PPP2R2B: variants seen among roughly 807,000 people sequenced by gnomAD.
The protein encoded by PPP2R2B is protein phosphatase 2 regulatory subunit Bbeta.
PPP2R2B carries 5 observed loss-of-function variants against 46.0 expected under a neutral mutation model. The observed-to-expected ratio is 0.11, with a 90% CI of 0.06 to 0.23. The LOEUF (loss-of-function observed/expected upper bound fraction) is 0.23. PPP2R2B is among the 10% of genes least tolerant of loss of function. PPP2R2B has a pLI of 1.00. For synonymous variants in PPP2R2B, 215 were observed against 206.7 expected (o/e 1.04, Z -0.34); for missense variants, 367 against 575.0 (o/e 0.64, Z 3.70).
chr5:147,002,228 A>T (rs1425930123), intron 1 of PPP2R2B, among the ~76,000 whole-genome samples: 1 of 152,194 alleles, frequency 6.6e-6, no homozygotes, highest in African/African-American at 2.4e-5. Context: ...TCAGAAAGAC[A>T]TAATTTTTGC....
At chr5:146,747,547 T>A (rs1053189401) in intron 2 of PPP2R2B, among the ~76,000 whole-genome samples, 3 of 152,212 alleles carry the variant, frequency 2.0e-5, no homozygotes, top group African/African-American at 7.2e-5. Flanking sequence ...ACATAGTATA[T>A]TCCCCTTAAT....
chr5:146,812,828 TACACA>T (rs1757706159), intron 2 of PPP2R2B, among the ~76,000 whole-genome samples: 16 of 79,656 alleles, frequency 2.0e-4, no homozygotes, highest in African/African-American at 6.2e-4. Flanking sequence ...TATATATATA[TACACA>T]CACATTTCCA....
intron 2 of PPP2R2B, among the ~76,000 whole-genome samples, chr5:146,704,910 T>C (rs1283731588): frequency 6.6e-6 from 1 of 152,200 alleles, no homozygotes; most frequent in Middle Eastern, 3.2e-3. Context: ...TCTCTTGCAG[T>C]ATCATGCTAG....
intron 2 of PPP2R2B, among the ~76,000 whole-genome samples, chr5:146,826,769 C>G (rs551929325): frequency 6.6e-6 from 1 of 152,188 alleles, no homozygotes; most frequent in Admixed American, 6.5e-5. Context: ...TGATATTCCC[C>G]TCCCTCCAAG....
intron 1 of PPP2R2B, among the ~76,000 whole-genome samples, chr5:146,921,831 A>G (rs1391412881): frequency 3.9e-5 from 6 of 152,214 alleles, no homozygotes; most frequent in African/African-American, 1.4e-4. Flanking sequence ...CAAGTATAAC[A>G]ACAAGTACTA....
intron 2 of PPP2R2B, among the ~76,000 whole-genome samples, chr5:146,854,559 CTCTTT>C (rs1394825381): frequency 2.5e-4 from 38 of 152,220 alleles, no homozygotes; most frequent in African/African-American, 8.9e-4. Context: ...ATTGACCAAC[CTCTTT>C]TCATCAAGGC....
intron 1 of PPP2R2B, among the ~76,000 whole-genome samples, chr5:146,931,689 G>A (rs975970233): frequency 6.6e-6 from 1 of 152,274 alleles, no homozygotes; most frequent in Non-Finnish European, 1.5e-5. Flanking sequence ...GATAAGTTGG[G>A]TGGGTGGTAG....
intron 4 of PPP2R2B, 70 bp from the exon 5 acceptor site, chr5:146,691,310 G>A (rs941278525): frequency 5.5e-6 from 7 of 1,267,756 alleles, no homozygotes; most frequent in South Asian, 4.9e-5. Flanking sequence ...TTTCCTGGGG[G>A]CAATGGGGAG....
At chr5:146,837,254 G>A (rs160969) in intron 2 of PPP2R2B, among the ~76,000 whole-genome samples, 19,080 of 152,244 alleles carry the variant, frequency 0.13, 1,367 homozygotes, top group African/African-American at 0.19. Context: ...CTTTGCATGA[G>A]ATGATTTTGT....
At chr5:146,824,645 A>G (rs553318115) in intron 2 of PPP2R2B, among the ~76,000 whole-genome samples, 2 of 152,276 alleles carry the variant, frequency 1.3e-5, no homozygotes, top group South Asian at 4.1e-4. Context: ...AACGGGCTTT[A>G]ACAGAGATAG....
At chr5:146,732,820 T>C (rs1487999997) in intron 2 of PPP2R2B, among the ~76,000 whole-genome samples, 1 of 152,156 alleles carries the variant, frequency 6.6e-6, no homozygotes. Context: ...CACTATGAGA[T>C]TGACTCCACC....
At chr5:146,608,756 G>C (rs1772550646) in intron 7 of PPP2R2B, among the ~76,000 whole-genome samples, 1 of 152,140 alleles carries the variant, frequency 6.6e-6, no homozygotes, top group Non-Finnish European at 1.5e-5. Flanking sequence ...CTGCACTCCA[G>C]CCTGGGCCAC....
chr5:146,911,826 T>C (rs1371698748), intron 1 of PPP2R2B, among the ~76,000 whole-genome samples: 15 of 152,226 alleles, frequency 9.9e-5, no homozygotes, highest in Admixed American at 9.8e-4. Context: ...ACACTAGGTT[T>C]AGTTGGGTAT....
At chr5:146,863,603 C>T (rs547305231) in intron 2 of PPP2R2B, among the ~76,000 whole-genome samples, 2 of 152,134 alleles carry the variant, frequency 1.3e-5, no homozygotes, top group South Asian at 4.1e-4. Context: ...TACTAACCAC[C>T]ACAAATATTT....
At chr5:146,848,365 C>T (rs990851625) in intron 2 of PPP2R2B, among the ~76,000 whole-genome samples, 3 of 151,920 alleles carry the variant, frequency 2.0e-5, no homozygotes, top group Non-Finnish European at 2.9e-5. Flanking sequence ...TTCTAATGTC[C>T]TTTTTCTACT....
chr5:146,837,312 G>A (rs1290940358), intron 2 of PPP2R2B, among the ~76,000 whole-genome samples: 1 of 152,210 alleles, frequency 6.6e-6, no homozygotes, highest in Non-Finnish European at 1.5e-5. Flanking sequence ...CCCATTTAAA[G>A]TAGGCTAGGC....
intron 2 of PPP2R2B, among the ~76,000 whole-genome samples, chr5:146,816,800 T>G (rs932206713): frequency 1.3e-5 from 2 of 152,236 alleles, no homozygotes; most frequent in African/African-American, 4.8e-5. Flanking sequence ...GATTCCAAAA[T>G]CCATGTTCTA....
chr5:146,965,878 A>G (rs1467465395), intron 1 of PPP2R2B, among the ~76,000 whole-genome samples: 3 of 152,188 alleles, frequency 2.0e-5, no homozygotes, highest in Non-Finnish European at 4.4e-5. Context: ...CATCCAGGCA[A>G]AGTGTTACTC....
intron 5 of PPP2R2B, among the ~76,000 whole-genome samples, chr5:146,673,418 A>T (rs2151124724): frequency 6.6e-6 from 1 of 152,326 alleles, no homozygotes. Context: ...AAGACAAAGG[A>T]GAAAATATCA....
Sources: gnomAD v4.1 joint callset for allele counts (sites outside exome capture counted in the v4.1 genomes callset) on GRCh38, gnomAD v4.1.1 for gene constraint, MANE v1.5 for transcripts, NCBI Gene and HGNC (gene_info 2026-07-23, HGNC 2026-07-21) for gene names.